ANKRD31: variants seen among roughly 807,000 people sequenced by gnomAD.
The protein encoded by ANKRD31 is ankyrin repeat domain 31, also known as ankyrin repeat domain-containing protein 31.
A neutral mutation model predicts 186.0 loss-of-function variants in ANKRD31; 147 were observed. The ratio of observed to expected loss-of-function variants is 0.79; its 90% CI spans 0.69 to 0.91. The LOEUF is 0.91. Among genes scored for constraint, ANKRD31 ranks in the 40% least tolerant of loss-of-function variants. The pLI is 0.00. For synonymous variants in ANKRD31, 673 were observed against 736.4 expected (o/e 0.91, Z 1.39); for missense variants, 1,986 against 2,148.8 (o/e 0.92, Z 1.50).
chr5:75,212,690 C>T (rs1156955006), intron 3 of ANKRD31, among the ~76,000 whole-genome samples: 8 of 152,080 alleles, frequency 5.3e-5, no homozygotes, highest in Non-Finnish European at 7.4e-5. Context: ...GTGTCCCTTT[C>T]GAAAAAGATA....
At chr5:75,214,776 T>C (rs1489212283) in intron 3 of ANKRD31, among the ~76,000 whole-genome samples, 1 of 152,206 alleles carries the variant, frequency 6.6e-6, no homozygotes, top group Non-Finnish European at 1.5e-5. Flanking sequence ...TAAATAGTCC[T>C]GAGGCAGAAG....
chr5:75,193,542 T>C lies in ANKRD31; in HGVS notation c.1067A>G (p.Asn356Ser), dbSNP rs1293363553. The change falls in exon 8 of 26, where the codon AAT (asparagine) becomes AGT (serine). Residue 356 changes from asparagine (N) to serine (S), a missense_variant. Coordinates refer to ENST00000506364, the MANE Select transcript of ANKRD31 (RefSeq NM_001372053.1). Reference sequence around the variant, plus strand: ...ACTTAGTGGCTCACAAGAAGTGATATTTTGATGAGCCAAAGTTTGCAATCC... The same window carrying C: ...ACTTAGTGGCTCACAAGAAGTGATACTTTGATGAGCCAAAGTTTGCAATCC... Reference protein sequence around the residue: ...PSGLQTLAHQNITSCEPLSNK... With the variant: ...PSGLQTLAHQSITSCEPLSNK... The C allele has an allele frequency of 6.5e-7, 1 of 1,536,734 alleles. No homozygotes were observed. Among genetic ancestry groups the C allele is most frequent in the African/African-American group, 1.4e-5 (1 of 73,036 alleles).
chr5:75,215,552 A>G (rs930188563), intron 3 of ANKRD31, among the ~76,000 whole-genome samples: 1 of 152,206 alleles, frequency 6.6e-6, no homozygotes, highest in Non-Finnish European at 1.5e-5. Flanking sequence ...GGTATTTTAT[A>G]AGACCCAACA....
intron 2 of ANKRD31, among the ~76,000 whole-genome samples, chr5:75,229,553 G>T (rs958944866): frequency 6.6e-6 from 1 of 152,032 alleles, no homozygotes; most frequent in South Asian, 2.1e-4. Flanking sequence ...ATGGTAATCA[G>T]CAGGTCCTTG....
chr5:75,104,974 A>G lies in ANKRD31; in HGVS notation c.4585T>C (p.Ser1529Pro), dbSNP rs1561425395. 2 of 1,536,612 alleles carry G rather than the reference A, an allele frequency of 1.3e-6. No homozygotes were observed. The highest frequency in any genetic ancestry group is 2.4e-5 in the East Asian group (1 of 40,866). The change falls in exon 22 of 26, where the codon TCA becomes CCA. Residue 1529 changes from serine (S) to proline (P), a missense_variant. Ser to Pro is a moderately conservative substitution (Grantham distance 74). Coordinates refer to ENST00000506364, the MANE Select transcript of ANKRD31 (RefSeq NM_001372053.1). ...TSLENLEHPQ[S>P]GSLSPVSGSM... ...CCAGAAACAGGAGAAAGTGAACCTG[A>G]TTGGGGATGCTCTAAATTTTCCAGA... is the stretch of plus-strand genomic sequence containing the variant.
intron 1 of ANKRD31, among the ~76,000 whole-genome samples, chr5:75,232,565 GT>G (rs61040569): frequency 0.017 from 2,484 of 148,602 alleles, 16 homozygotes; most frequent in Middle Eastern, 0.024. Flanking sequence ...AATTTTGTGT[GT>G]TTTTTTTTTT....
intron 24 of ANKRD31, among the ~76,000 whole-genome samples, chr5:75,080,914 C>CA (rs1246576147): frequency 8.7e-6 from 1 of 114,872 alleles, no homozygotes; most frequent in Non-Finnish European, 1.6e-5. Context: ...GAAAGCCACA[C>CA]AAAATTATTT....
At position 75,107,558 on chromosome 5, in the gene ANKRD31, G is replaced by A. The variant is rs765154054; in HGVS notation, c.4303C>T (p.Gln1435Ter). ...GCCAGATCATCCCTTTCTGCTTTCT[G>A]CTTGGCAAGCACATTATCCATAATC... ...KKIMDNVLAKQKAERDDLAKK... is the reference protein window; with the variant it reads ...KKIMDNVLAK The change falls in exon 21 of 26, where the codon CAG becomes TAG. Residue 1435 changes from glutamine (Q) to a stop codon, truncating the protein, a stop_gained. Coordinates refer to ENST00000506364, the MANE Select transcript of ANKRD31 (RefSeq NM_001372053.1). LOFTEE classifies it high-confidence loss of function. 3 of 1,529,248 alleles carry A rather than the reference G, an allele frequency of 2.0e-6. No homozygotes were observed. Among genetic ancestry groups the A allele is most frequent in the Non-Finnish European group, 2.6e-6 (3 of 1,142,724 alleles). 94.7% of individuals were successfully genotyped at this position (1,529,248 alleles called of 1,614,324 possible).
intron 4 of ANKRD31, among the ~76,000 whole-genome samples, chr5:75,209,229 A>G (rs763432770): frequency 1.3e-5 from 2 of 152,182 alleles, no homozygotes; most frequent in Non-Finnish European, 2.9e-5. Flanking sequence ...GTCTTTTAGA[A>G]AATACTTATG....
At chr5:75,169,301 G>A (rs1753150572) in intron 10 of ANKRD31, 180 bp from the exon 11 acceptor site, 1 of 699,832 alleles carries the variant, frequency 1.4e-6, no homozygotes, top group Non-Finnish European at 2.2e-6. Context: ...TAAACCTGAA[G>A]GACAAATCAA....
intron 25 of ANKRD31, 68 bp from the exon 26 acceptor site, chr5:75,068,732 C>T: frequency 7.1e-7 from 1 of 1,412,484 alleles, no homozygotes; most frequent in Non-Finnish European, 9.2e-7. Flanking sequence ...TTTGCTATTA[C>T]AAATCCTAGA....
chr5:75,184,841 A>G (rs779850815), intron 10 of ANKRD31, among the ~76,000 whole-genome samples: 15 of 152,174 alleles, frequency 9.9e-5, no homozygotes, highest in Non-Finnish European at 1.6e-4. Context: ...TACCATAACC[A>G]GCAATCCTAC....
intron 4 of ANKRD31, among the ~76,000 whole-genome samples, chr5:75,210,318 C>T (rs181459682): frequency 4.2e-4 from 64 of 152,202 alleles, no homozygotes; most frequent in African/African-American, 9.2e-4. Context: ...AGATTACAGA[C>T]GCCCACCAAC....
At chr5:75,187,718 T>C (rs1352944695) in intron 10 of ANKRD31, among the ~76,000 whole-genome samples, 1 of 152,164 alleles carries the variant, frequency 6.6e-6, no homozygotes, top group Non-Finnish European at 1.5e-5. Context: ...GATTATAGTA[T>C]AAACCCAGGC....
chr5:75,098,943 C>T (rs1437970613), intron 22 of ANKRD31, among the ~76,000 whole-genome samples: 1 of 152,102 alleles, frequency 6.6e-6, no homozygotes, highest in African/African-American at 2.4e-5. Flanking sequence ...GCCTGATTGC[C>T]CTGGCCAGAA....
intron 1 of ANKRD31, among the ~76,000 whole-genome samples, chr5:75,233,831 G>C (rs1283249164): frequency 6.6e-6 from 1 of 152,022 alleles, no homozygotes; most frequent in African/African-American, 2.4e-5. Flanking sequence ...CAAGAGAATG[G>C]CTTGAACCTG....
At chr5:75,201,791 C>T (rs1468489871) in intron 5 of ANKRD31, among the ~76,000 whole-genome samples, 1 of 152,164 alleles carries the variant, frequency 6.6e-6, no homozygotes, top group African/African-American at 2.4e-5. Flanking sequence ...GTGTTAACAT[C>T]AACACAGATC....
intron 5 of ANKRD31, 51 bp from the exon 6 acceptor site, chr5:75,199,725 C>A: frequency 7.1e-7 from 1 of 1,413,646 alleles, no homozygotes; most frequent in Non-Finnish European, 9.6e-7. Flanking sequence ...GCACTAAAAA[C>A]ATACCTTCTC....
chr5:75,183,538 C>T (rs1002219223), intron 10 of ANKRD31, among the ~76,000 whole-genome samples: 4 of 152,056 alleles, frequency 2.6e-5, no homozygotes, highest in African/African-American at 9.7e-5. Flanking sequence ...CACTAAAAAA[C>T]TGTAAGAACT....
Sources: allele counts gnomAD v4.1 joint callset (sites outside exome capture counted in the v4.1 genomes callset), GRCh38; gene constraint gnomAD v4.1.1; transcripts MANE v1.5; gene names NCBI Gene and HGNC (gene_info 2026-07-23, HGNC 2026-07-21).